The following PTPRD variants were observed in gnomAD, a reference collection of about 807,000 sequenced individuals.
The protein encoded by PTPRD is protein tyrosine phosphatase receptor type D, also known as receptor-type tyrosine-protein phosphatase delta.
PTPRD carries 34 observed loss-of-function variants against 214.5 expected under a neutral mutation model. The observed-to-expected ratio is 0.16, with a 90% CI of 0.12 to 0.21. The LOEUF is 0.21. Ranked by LOEUF, PTPRD falls within the 10% of genes least tolerant of loss-of-function variation. PTPRD has a pLI of 1.00. For missense variants in PTPRD, 2,545 were observed against 2,398.7 expected (o/e 1.06, Z -1.27); for synonymous variants, 1,128 against 845.7 (o/e 1.33, Z -5.79).
At chr9:10,189,728 C>G (rs1170392643) in intron 3 of PTPRD, among the ~76,000 whole-genome samples, 2 of 151,962 alleles carry the variant, frequency 1.3e-5, no homozygotes, top group African/African-American at 4.8e-5. Context: ...TTACAAGGCA[C>G]TATAAGAAAA....
intron 3 of PTPRD, among the ~76,000 whole-genome samples, chr9:10,134,576 A>G (rs966381204): frequency 1.2e-4 from 18 of 152,142 alleles, no homozygotes; most frequent in African/African-American, 4.1e-4. Context: ...GTGAAATCCA[A>G]TGCAGGAATC....
intron 2 of PTPRD, among the ~76,000 whole-genome samples, chr9:10,600,261 TA>T (rs1322730500): frequency 1.3e-5 from 2 of 151,706 alleles, no homozygotes; most frequent in African/African-American, 2.4e-5. Flanking sequence ...ATATAAATAT[TA>T]AAAAAAGTTT....
intron 3 of PTPRD, among the ~76,000 whole-genome samples, chr9:10,246,490 C>G (rs2092125895): frequency 6.6e-6 from 1 of 152,116 alleles, no homozygotes; most frequent in South Asian, 2.1e-4. Flanking sequence ...GTGATCCATC[C>G]CCCTTGGGGT....
chr9:8,605,829 A>G (rs146668103), intron 14 of PTPRD, among the ~76,000 whole-genome samples: 2 of 152,246 alleles, frequency 1.3e-5, no homozygotes, highest in East Asian at 3.9e-4. Flanking sequence ...TACTCTACTT[A>G]CTAGGGATTG....
chr9:10,230,699 A>G (rs1285544191), intron 3 of PTPRD, among the ~76,000 whole-genome samples: 1 of 151,966 alleles, frequency 6.6e-6, no homozygotes, highest in Admixed American at 6.6e-5. Context: ...TTGCTTGTTC[A>G]TCTTTGCTTT....
Position 8,636,860 on chromosome 9 carries a change from A to G in PTPRD, c.65-16T>C, listed in dbSNP as rs1373800418. 1 of 1,609,228 alleles carries G rather than the reference A, an allele frequency of 6.2e-7. No homozygotes were observed. Among genetic ancestry groups the G allele is most frequent in the Non-Finnish European group, 8.5e-7 (1 of 1,176,104 alleles). ...CTTGGAGGTGCTGAAATAAAAAATA[A>G]ACATCACAGTTAAATTGAAAACTGA... On this transcript the variant is annotated splice_polypyrimidine_tract_variant and intron_variant, in intron 12 of 45. Transcript: ENST00000381196.
At chr9:8,432,851 G>A (rs1338382352) in intron 35 of PTPRD, among the ~76,000 whole-genome samples, 1 of 152,200 alleles carries the variant, frequency 6.6e-6, no homozygotes, top group Non-Finnish European at 1.5e-5. Flanking sequence ...ATGAACATCA[G>A]TGAAGAGTCT....
At chr9:9,947,288 G>T (rs139304398) in intron 4 of PTPRD, among the ~76,000 whole-genome samples, 1 of 89,870 alleles carries the variant, frequency 1.1e-5, no homozygotes. Context: ...ATGTGCTCTG[G>T]AGATTATATA....
At chr9:8,457,057 T>A in intron 33 of PTPRD, among the ~76,000 whole-genome samples, 1 of 152,228 alleles carries the variant, frequency 6.6e-6, no homozygotes, top group Non-Finnish European at 1.5e-5. Flanking sequence ...AATTTTTTGT[T>A]GGAGTAGATG....
At chr9:10,494,955 T>G (rs1404570273) in intron 2 of PTPRD, among the ~76,000 whole-genome samples, 1 of 151,780 alleles carries the variant, frequency 6.6e-6, no homozygotes. Flanking sequence ...TGTTGCCATA[T>G]CATCACTAAA....
At chr9:10,409,656 C>T (rs940982003) in intron 2 of PTPRD, among the ~76,000 whole-genome samples, 1 of 151,814 alleles carries the variant, frequency 6.6e-6, no homozygotes, top group Non-Finnish European at 1.5e-5. Context: ...TCATACTTGA[C>T]ACTTTTCTCT....
intron 9 of PTPRD, among the ~76,000 whole-genome samples, chr9:9,334,601 T>C (rs1312692753): frequency 6.6e-6 from 1 of 152,016 alleles, no homozygotes; most frequent in Non-Finnish European, 1.5e-5. Flanking sequence ...ATATGTCTCC[T>C]TATCTCTCTG....
intron 5 of PTPRD, among the ~76,000 whole-genome samples, chr9:9,785,852 T>C (rs1388650250): frequency 6.6e-6 from 1 of 152,146 alleles, no homozygotes; most frequent in Non-Finnish European, 1.5e-5. Context: ...AGGTACCATT[T>C]TTGCACAATT....
intron 2 of PTPRD, among the ~76,000 whole-genome samples, chr9:10,366,386 G>C (rs1174561697): frequency 6.6e-6 from 1 of 152,186 alleles, no homozygotes; most frequent in African/African-American, 2.4e-5. Context: ...TGGTGATGCT[G>C]CTCTGGTTTG....
chr9:9,973,487 A>G (rs944995106), intron 4 of PTPRD, among the ~76,000 whole-genome samples: 4 of 152,054 alleles, frequency 2.6e-5, no homozygotes, highest in African/African-American at 9.7e-5. Flanking sequence ...AAAAAAATTA[A>G]AAGTAGATGT....
intron 12 of PTPRD, among the ~76,000 whole-genome samples, chr9:8,723,694 G>C (rs1381604512): frequency 6.6e-6 from 1 of 152,118 alleles, no homozygotes; most frequent in Non-Finnish European, 1.5e-5. Context: ...ATGACTTTTA[G>C]TGACAAACAA....
At chr9:10,414,728 T>C (rs1473478500) in intron 2 of PTPRD, among the ~76,000 whole-genome samples, 1 of 151,836 alleles carries the variant, frequency 6.6e-6, no homozygotes, top group African/African-American at 2.4e-5. Flanking sequence ...GAAAATGTGG[T>C]ACACATACAC....
chr9:10,142,247 T>C (rs1257811834), intron 3 of PTPRD, among the ~76,000 whole-genome samples: 11 of 151,222 alleles, frequency 7.3e-5, no homozygotes, highest in African/African-American at 2.2e-4. Context: ...CCAAAAGCAA[T>C]GGCAACAAAA....
chr9:8,792,618 T>G (rs1407058686), intron 11 of PTPRD, among the ~76,000 whole-genome samples: 1 of 152,216 alleles, frequency 6.6e-6, no homozygotes, highest in African/African-American at 2.4e-5. Flanking sequence ...GGGCTTGTCA[T>G]AGCCTTTCCG....
Sources: gnomAD v4.1 joint callset for allele counts (sites outside exome capture counted in the v4.1 genomes callset) on GRCh38, gnomAD v4.1.1 for gene constraint, MANE v1.5 for transcripts, NCBI Gene and HGNC (gene_info 2026-07-23, HGNC 2026-07-21) for gene names.